Variants in MAGI2 observed in about 807,000 individuals in gnomAD.
MAGI2 encodes membrane associated guanylate kinase, WW and PDZ domain containing 2.
MAGI2 carries 35 observed loss-of-function variants against 133.3 expected under a neutral mutation model. That is an observed-to-expected ratio of 0.26 (90% CI 0.20 to 0.35). The LOEUF (loss-of-function observed/expected upper bound fraction) is 0.35, where lower values mean the gene tolerates loss of function less well. Among genes scored for constraint, MAGI2 ranks in the 10% least tolerant of loss-of-function variants. The pLI, the probability that MAGI2 is intolerant of heterozygous loss-of-function variation, is 1.00. For synonymous variants in MAGI2, 729 were observed against 710.6 expected, an observed-to-expected ratio of 1.03 and a Z score of -0.41; for missense variants, 1,636 against 1,863.4, an observed-to-expected ratio of 0.88 and a Z score of 2.25.
intron 4 of MAGI2, among the ~76,000 whole-genome samples, chr7:78,512,136 T>TTA (rs1795654911): frequency 7.9e-6 from 1 of 127,146 alleles, no homozygotes; most frequent in African/African-American, 2.8e-5. Flanking sequence ...AAAAATAAAT[T>TTA]AAAAAAAAAA....
chr7:78,492,525 C>T (rs1029955542), intron 5 of MAGI2, among the ~76,000 whole-genome samples: 2 of 152,166 alleles, frequency 1.3e-5, no homozygotes, highest in Admixed American at 6.6e-5. Flanking sequence ...GACCAACCAG[C>T]TCTTCTACTT....
intron 1 of MAGI2, among the ~76,000 whole-genome samples, chr7:79,057,183 A>T (rs1813224388): frequency 6.6e-6 from 1 of 152,190 alleles, no homozygotes. Flanking sequence ...ATATAGATAG[A>T]AACTTAGAAT....
rs543809836 is a variant in MAGI2, at chr7:79,219,516, A to C, written c.302-212310T>G. ...TTCAATTAATACCCAGAATTGTTACAAAGTGGCCAGTTTGTCCTTGATTGA... is the reference window on the plus strand; with the variant it reads ...TTCAATTAATACCCAGAATTGTTACCAAGTGGCCAGTTTGTCCTTGATTGA... On this transcript the variant is annotated intron_variant, in intron 1 of 21. Transcript: ENST00000354212. 5.9e-5 allele frequency among the ~76,000 whole-genome samples: 9 copies of C among 152,212 alleles called. No homozygotes were observed. The South Asian group carries it at 1.7e-3, about 28-fold the overall frequency.
chr7:79,248,905 C>T (rs2129555533), intron 1 of MAGI2, among the ~76,000 whole-genome samples: 1 of 150,588 alleles, frequency 6.6e-6, no homozygotes, highest in Non-Finnish European at 1.5e-5. Context: ...CTCTTGTTGC[C>T]CAGGCTGGAG....
chr7:78,784,605 T>C lies in MAGI2; in HGVS notation c.419-157366A>G, dbSNP rs571348331. Among the ~76,000 whole-genome samples the C allele has an allele frequency of 2.0e-4, 31 of 152,290 alleles. No homozygotes were observed. The South Asian group carries it at 6.0e-3, about 30-fold the overall frequency. ...CTGCCCTATACCCAGGAGGAAGAAA[T>C]GCTATAACAGAGGCCAAAAAAAATC... is the stretch of plus-strand genomic sequence containing the variant. On this transcript the variant is annotated intron_variant, in intron 2 of 21. Coordinates refer to ENST00000354212, the MANE Select transcript of MAGI2 (RefSeq NM_012301.4).
intron 1 of MAGI2, among the ~76,000 whole-genome samples, chr7:79,103,314 G>A (rs1045426383): frequency 6.6e-6 from 1 of 152,130 alleles, no homozygotes; most frequent in Non-Finnish European, 1.5e-5. Flanking sequence ...GTCCTAGCCT[G>A]CTCCCTGTTT....
At chr7:79,255,745 C>G (rs1833636142) in intron 1 of MAGI2, among the ~76,000 whole-genome samples, 1 of 151,752 alleles carries the variant, frequency 6.6e-6, no homozygotes, top group Non-Finnish European at 1.5e-5. Context: ...GTCTACAGAA[C>G]TAGGAATCCA....
chr7:78,517,722 G>C (rs1796157525), intron 4 of MAGI2, among the ~76,000 whole-genome samples: 1 of 152,088 alleles, frequency 6.6e-6, no homozygotes, highest in Non-Finnish European at 1.5e-5. Flanking sequence ...GTGTGACAGA[G>C]GGAGAAATAT....
chr7:78,560,654 T>C (rs1197875305), intron 3 of MAGI2, among the ~76,000 whole-genome samples: 2 of 152,216 alleles, frequency 1.3e-5, no homozygotes, highest in African/African-American at 4.8e-5. Context: ...AACAATAATA[T>C]ACAACTAGAA....
chr7:78,732,563 T>G (rs1367209033), intron 2 of MAGI2, among the ~76,000 whole-genome samples: 1 of 152,154 alleles, frequency 6.6e-6, no homozygotes, highest in Non-Finnish European at 1.5e-5. Context: ...AGTGATGTAT[T>G]TTGGATATGT....
intron 1 of MAGI2, among the ~76,000 whole-genome samples, chr7:79,067,032 C>T (rs114005182): frequency 0.036 from 5,472 of 152,120 alleles, 211 homozygotes; most frequent in African/African-American, 0.097. Context: ...TAGTTTGAAA[C>T]AGGTGGCATG....
chr7:78,596,636 T>G (rs957717091), intron 3 of MAGI2, among the ~76,000 whole-genome samples: 2 of 152,200 alleles, frequency 1.3e-5, no homozygotes, highest in Admixed American at 6.5e-5. Context: ...GGTGTTAGTT[T>G]TGATTCTCAA....
intron 2 of MAGI2, among the ~76,000 whole-genome samples, chr7:78,842,579 T>C (rs1222255238): frequency 1.3e-5 from 2 of 151,960 alleles, no homozygotes; most frequent in South Asian, 2.1e-4. Flanking sequence ...CTTGAAGATA[T>C]AGCCATGTTT....
chr7:79,345,296 C>A (rs898043501), intron 1 of MAGI2, among the ~76,000 whole-genome samples: 1 of 152,030 alleles, frequency 6.6e-6, no homozygotes, highest in South Asian at 2.1e-4. Flanking sequence ...AGTTGATGCT[C>A]CCATAAAGCT....
chr7:79,125,171 G>A, intron 1 of MAGI2: 1 of 342,576 alleles, frequency 2.9e-6, no homozygotes, highest in Non-Finnish European at 5.7e-6. Context: ...AAGAAAAGGG[G>A]CTTTGGTTTT....
chr7:78,954,882 TA>T (rs946103667), intron 2 of MAGI2, among the ~76,000 whole-genome samples: 32 of 152,062 alleles, frequency 2.1e-4, no homozygotes, highest in African/African-American at 3.1e-4. Context: ...TGAATCAATA[TA>T]AAAAAAGAGG....
At chr7:79,447,115 A>G (rs1318309729) in intron 1 of MAGI2, among the ~76,000 whole-genome samples, 1 of 152,190 alleles carries the variant, frequency 6.6e-6, no homozygotes, top group Non-Finnish European at 1.5e-5. Context: ...TAACTTTTTT[A>G]AAAATATCTC....
chr7:78,778,799 T>C (rs1428188014), intron 2 of MAGI2, among the ~76,000 whole-genome samples: 2 of 151,984 alleles, frequency 1.3e-5, no homozygotes, highest in Non-Finnish European at 2.9e-5. Context: ...AAATACAATA[T>C]CTAATCTCTC....
intron 1 of MAGI2, among the ~76,000 whole-genome samples, chr7:79,222,655 T>G (rs1830525734): frequency 6.6e-6 from 1 of 152,030 alleles, no homozygotes; most frequent in Non-Finnish European, 1.5e-5. Flanking sequence ...CATTCTGGTC[T>G]TGGTAAAAAC....
Sources: allele counts gnomAD v4.1 joint callset (sites outside exome capture counted in the v4.1 genomes callset), GRCh38; gene constraint gnomAD v4.1.1; transcripts MANE v1.5; gene names NCBI Gene and HGNC (gene_info 2026-07-23, HGNC 2026-07-21).